AMOTL2: variants seen among roughly 807,000 people sequenced by gnomAD.
The protein encoded by AMOTL2 is angiomotin like 2.
In AMOTL2, 33 loss-of-function variants were observed where a neutral mutation model predicts 78.4. The ratio of observed to expected loss-of-function variants is 0.42; its 90% CI spans 0.32 to 0.56. The LOEUF (loss-of-function observed/expected upper bound fraction) is 0.56, where lower values mean the gene tolerates loss of function less well. Ranked by LOEUF, AMOTL2 falls within the 20% of genes least tolerant of loss-of-function variation. The pLI is 0.12. For synonymous variants in AMOTL2, 422 were observed against 428.8 expected, an observed-to-expected ratio of 0.98 and a Z score of 0.20; for missense variants, 983 against 1,030.1, an observed-to-expected ratio of 0.95 and a Z score of 0.63.
In AMOTL2 at chr3:134,374,437, G is replaced by C; in HGVS notation, c.-157C>G. 1 of 985,414 alleles carries C rather than the reference G, an allele frequency of 1.0e-6. No homozygotes were observed. The highest frequency in any genetic ancestry group is 1.7e-5 in the African/African-American group (1 of 57,330). The allele number at this position is 985,414 out of a possible 1,614,324, so 61.0% of individuals were successfully genotyped here. ...GCGAAGATGTGTTCTCGGCCGTGGCGCCGACGCTCTGGCTGTTCGCGCCCC... is the reference window on the plus strand; with the variant it reads ...GCGAAGATGTGTTCTCGGCCGTGGCCCCGACGCTCTGGCTGTTCGCGCCCC... On this transcript the variant is annotated 5_prime_UTR_variant, in exon 1 of 10. Coordinates refer to ENST00000249883, the MANE Select transcript of AMOTL2 (RefSeq NM_016201.4).
Position 134,371,081 on chromosome 3 carries a change from G to C in AMOTL2, c.353C>G (p.Ala118Gly), listed in dbSNP as rs372993151. ...EEAKAHSQYY[A>G]AQQAGTRPHA... The stretch of plus-strand genomic sequence containing the variant: ...TGGCCGGGTCCCTGCCTGCTGGGCC[G>C]CATAGTACTGCGAGTGGGCTTTGGC... The change falls in exon 2 of 10, where the codon GCG becomes GGG. Residue 118 changes from alanine (A) to glycine (G), a missense_variant. Coordinates refer to ENST00000249883, the MANE Select transcript of AMOTL2 (RefSeq NM_016201.4). 2.7e-5 allele frequency: 44 copies of C among 1,610,850 alleles called. No homozygotes were observed. The East Asian group carries it at 4.0e-4, about 15-fold the overall frequency.
chr3:134,373,822 A>C, intron 1 of AMOTL2: 1 of 985,438 alleles, frequency 1.0e-6, no homozygotes, highest in Non-Finnish European at 1.2e-6. Context: ...TCTAACGCTG[A>C]CGTCACCGGG....
chr3:134,359,438 G>A lies in AMOTL2; in HGVS notation c.1949C>T (p.Ser650Phe). 1 of 1,614,184 alleles carries A rather than the reference G, an allele frequency of 6.2e-7. No individual in the cohort carries two copies. Among genetic ancestry groups the A allele is most frequent in the Non-Finnish European group, 8.5e-7 (1 of 1,180,018 alleles). Residue 650 changes from serine (S) to phenylalanine (F), a missense_variant, in exon 8 of 10, where the codon TCC (serine) becomes TTC (phenylalanine). Coordinates refer to ENST00000249883, the MANE Select transcript of AMOTL2 (RefSeq NM_016201.4). ...DAVIKVLQQR[S>F]RRDPGKAIQG... is the part of the protein sequence containing the mutation. ...GATGGCCTTGCCAGGGTCTCTCCTG[G>A]AGCGCTGCTGAAGGACCTTGATCAC...
In AMOTL2 at chr3:134,370,851, G is replaced by C; in HGVS notation, c.583C>G (p.Pro195Ala). The C allele has an allele frequency of 6.2e-7, 1 of 1,602,630 alleles. No homozygotes were observed. Among genetic ancestry groups the C allele is most frequent in the Non-Finnish European group, 8.5e-7 (1 of 1,172,618 alleles). The stretch of plus-strand genomic sequence containing the variant: ...CCCTCAGCAGGGGGGCCCCTCAGTG[G>C]GGGGCCCTGCTGGTTGCGGGCCAGC... ...PQLARNQQGP[P>A]LRGPPAEGPE... The change falls in exon 2 of 10, where the codon CCA becomes GCA. Residue 195 changes from proline (P) to alanine (A), a missense_variant. Physicochemically the swap from Pro to Ala is conservative, Grantham distance 27. Transcript: ENST00000249883.
At chr3:134,369,506 C>T (rs1480512616) in intron 2 of AMOTL2, among the ~76,000 whole-genome samples, 2 of 152,344 alleles carry the variant, frequency 1.3e-5, no homozygotes, top group Middle Eastern at 3.4e-3. Context: ...GAAACCACCA[C>T]TCAGCTTCCG....
intron 1 of AMOTL2, 182 bp downstream of exon 1, chr3:134,374,160 G>T: frequency 1.2e-6 from 1 of 866,226 alleles, no homozygotes. Flanking sequence ...GCGCTCCCTG[G>T]GCAGAGCGGC....
Position 134,371,063 on chromosome 3 carries a change from G to A in AMOTL2, c.371C>T (p.Thr124Ile), listed in dbSNP as rs753073199. Residue 124 changes from threonine (T) to isoleucine (I), a missense_variant, in exon 2 of 10, where the codon ACC becomes ATC. Thr to Ile is a moderately conservative substitution (Grantham distance 89). Coordinates refer to ENST00000249883, the MANE Select transcript of AMOTL2 (RefSeq NM_016201.4). ...SQYYAAQQAG[T>I]RPHAGDRDPR... ...ATCTCGGTCCCCCGCATGTGGCCGG[G>A]TCCCTGCCTGCTGGGCCGCATAGTA... 1.2e-6 allele frequency: 2 copies of A among 1,610,430 alleles called. No individual in the cohort carries two copies. The highest frequency in any genetic ancestry group is 1.7e-6 in the Non-Finnish European group (2 of 1,178,478).
rs923266542 is a variant in AMOTL2, at chr3:134,360,095, C to A, written c.1883+11G>T. The A allele has an allele frequency of 5.0e-6, 8 of 1,598,860 alleles. No individual in the cohort carries two copies. The African/African-American group carries it at 1.1e-4, about 21-fold the overall frequency. ...CCCCCAACCTCAGGTGCCTGGCCTG[C>A]AATGCCGAACCTGCTTTCCATCTCC... On this transcript the variant is annotated intron_variant, in intron 7 of 9. Transcript: ENST00000249883.
intron 1 of AMOTL2, chr3:134,373,551 C>G: frequency 1.0e-6 from 1 of 985,584 alleles, no homozygotes; most frequent in Non-Finnish European, 1.2e-6. Context: ...CTCTGAAGGC[C>G]GCCTTTCTAA....
intron 6 of AMOTL2, 48 bp from the exon 7 acceptor site, chr3:134,360,461 G>A: frequency 6.5e-7 from 1 of 1,540,602 alleles, no homozygotes; most frequent in Middle Eastern, 1.9e-4. Flanking sequence ...AGGTTGGGGT[G>A]TGGCAGCCAC....
At chr3:134,366,182 A>G in intron 4 of AMOTL2, 101 bp downstream of exon 4, 2 of 1,483,930 alleles carry the variant, frequency 1.3e-6, no homozygotes, top group Non-Finnish European at 1.8e-6. Flanking sequence ...GTTCATCTGC[A>G]CTTTTGACAG....
intron 5 of AMOTL2, 147 bp downstream of exon 5, chr3:134,365,670 G>T: frequency 1.5e-6 from 1 of 662,198 alleles, no homozygotes; most frequent in Non-Finnish European, 2.6e-6. Context: ...CCCAGATCCA[G>T]TCTAGTGTTG....
chr3:134,365,764 G>A, intron 5 of AMOTL2, 53 bp downstream of exon 5: 1 of 1,506,674 alleles, frequency 6.6e-7, no homozygotes, highest in Non-Finnish European at 9.2e-7. Flanking sequence ...AGGGTGTGCA[G>A]CAGTCCCATT....
At chr3:134,362,818 G>GCC (rs58531712) in intron 5 of AMOTL2, among the ~76,000 whole-genome samples, 1,719 of 152,296 alleles carry the variant, frequency 0.011, 31 homozygotes, top group African/African-American at 0.039. Context: ...GTCCCAGGCT[G>GCC]CCCCCTGAGG....
upstream of AMOTL2, chr3:134,374,841 G>C (rs1254230187): frequency 1.3e-5 from 15 of 1,159,958 alleles, no homozygotes; most frequent in East Asian, 1.7e-4. Context: ...ACCCATCGAC[G>C]GGACGACAGC....
intron 6 of AMOTL2, among the ~76,000 whole-genome samples, chr3:134,360,624 A>T (rs983395223): frequency 6.6e-6 from 1 of 152,220 alleles, no homozygotes; most frequent in Non-Finnish European, 1.5e-5. Context: ...TAGAGACCAG[A>T]CAGATAATCC....
Position 134,358,640 on chromosome 3 carries a change from G to A in AMOTL2, c.2184C>T (p.Ser728=), listed in dbSNP as rs140047355. The part of the protein sequence containing the change: ...AHAKHGSRDG[S]TQTEGPPDST... ...TGTCTGGGGGGCCCTCAGTCTGGGT[G>A]CTCCCATCTCTGCTCCCGTGTTTGG... The change falls in exon 9 of 10, where the codon AGC becomes AGT. Residue 728 remains serine, a synonymous_variant. Coordinates refer to ENST00000249883, the MANE Select transcript of AMOTL2 (RefSeq NM_016201.4). 29 of 1,613,698 alleles carry A rather than the reference G, an allele frequency of 1.8e-5. No homozygotes were observed. The highest frequency in any genetic ancestry group is 1.7e-4 in the Middle Eastern group (1 of 6,056).
Position 134,360,291 on chromosome 3 carries a change from CA to C in AMOTL2, c.1697del (p.Met566ArgfsTer14), listed in dbSNP as rs1426076102. 1.9e-6 allele frequency: 3 copies of C among 1,614,230 alleles called. No individual in the cohort carries two copies. The highest frequency in any genetic ancestry group is 1.7e-6 in the Non-Finnish European group (2 of 1,180,034). On this transcript the variant is annotated frameshift_variant, in exon 7 of 10. Transcript: ENST00000249883. LOFTEE classifies it high-confidence loss of function. ...CCAAATACTTCTGCTCCCACTTGGT[CA>C]TGTCGGCCTCCAGCGCCAGGATCTG... ...EEQILALEAD[M>X]TKWEQKYLEE... is the part of the protein sequence containing the mutation.
chr3:134,373,509 C>G (rs1212952613), intron 1 of AMOTL2: 2 of 985,572 alleles, frequency 2.0e-6, no homozygotes, highest in Non-Finnish European at 2.4e-6. Context: ...CGCCCCCGGC[C>G]GCGAACCTCT....
Sources: gnomAD v4.1 joint callset for allele counts (sites outside exome capture counted in the v4.1 genomes callset) on GRCh38, gnomAD v4.1.1 for gene constraint, MANE v1.5 for transcripts, NCBI Gene and HGNC (gene_info 2026-07-23, HGNC 2026-07-21) for gene names.